The following PLEKHA5 variants were observed in gnomAD, a reference collection of about 807,000 sequenced individuals.
The protein encoded by PLEKHA5 is pleckstrin homology domain containing A5.
A neutral mutation model predicts 181.9 loss-of-function variants in PLEKHA5; 55 were observed. The observed-to-expected ratio is 0.30, with a 90% CI of 0.24 to 0.38. The LOEUF is 0.38. Ranked by LOEUF, PLEKHA5 falls within the 10% of genes least tolerant of loss-of-function variation. The pLI, the probability that PLEKHA5 is intolerant of heterozygous loss-of-function variation, is 1.00. For missense variants in PLEKHA5, 1,432 were observed against 1,549.5 expected, an observed-to-expected ratio of 0.92 and a Z score of 1.27; for synonymous variants, 535 against 529.4, an observed-to-expected ratio of 1.01 and a Z score of -0.15.
chr12:19,331,653 T>A (rs1377362854), intron 20 of PLEKHA5, among the ~76,000 whole-genome samples: 1 of 152,188 alleles, frequency 6.6e-6, no homozygotes, highest in African/African-American at 2.4e-5. Flanking sequence ...CCAAGTCTTG[T>A]CTCAGTACAG....
At chr12:19,134,662 G>A (rs2035072113) in intron 3 of PLEKHA5, among the ~76,000 whole-genome samples, 1 of 151,964 alleles carries the variant, frequency 6.6e-6, no homozygotes, top group African/African-American at 2.4e-5. Flanking sequence ...AATAGGATAG[G>A]GGCACTACTT....
intron 3 of PLEKHA5, among the ~76,000 whole-genome samples, chr12:19,221,295 G>A (rs1242797045): frequency 6.6e-6 from 1 of 152,056 alleles, no homozygotes; most frequent in Non-Finnish European, 1.5e-5. Context: ...TCCAAATAAT[G>A]GAATATTATT....
intron 3 of PLEKHA5, among the ~76,000 whole-genome samples, chr12:19,178,159 A>C (rs2047739006): frequency 6.6e-6 from 1 of 152,204 alleles, no homozygotes; most frequent in African/African-American, 2.4e-5. Flanking sequence ...TGTGCTGCCC[A>C]AGTATTGTCA....
chr12:19,249,870 T>G (rs2064797060), intron 3 of PLEKHA5, among the ~76,000 whole-genome samples: 1 of 152,218 alleles, frequency 6.6e-6, no homozygotes, highest in Non-Finnish European at 1.5e-5. Context: ...GGAACACGAA[T>G]AGTAAATATT....
intron 23 of PLEKHA5, among the ~76,000 whole-genome samples, chr12:19,346,329 T>C (rs1189886083): frequency 6.7e-6 from 1 of 150,302 alleles, no homozygotes; most frequent in Non-Finnish European, 1.5e-5. Flanking sequence ...AAGAGGTAAC[T>C]TTTTTTTTTC....
At chr12:19,292,930 C>T (rs554803271) in intron 15 of PLEKHA5, among the ~76,000 whole-genome samples, 94 of 152,094 alleles carry the variant, frequency 6.2e-4, no homozygotes, top group South Asian at 1.9e-3. Flanking sequence ...CAGAGCGAGA[C>T]TCTATCTCAA....
chr12:19,147,604 T>C (rs1442140559), intron 3 of PLEKHA5, among the ~76,000 whole-genome samples: 7 of 150,906 alleles, frequency 4.6e-5, no homozygotes, highest in Non-Finnish European at 8.9e-5. Flanking sequence ...TTCTTTTTTT[T>C]TTTTTTTGGC....
rs2033239986 is a variant in PLEKHA5 at position 19,130,416 on chromosome 12, A to G, written c.169+286A>G. Among the ~76,000 whole-genome samples, 1 of 148,362 alleles carries G rather than the reference A, an allele frequency of 6.7e-6. No homozygotes were observed. The highest frequency in any genetic ancestry group is 2.5e-5 in the African/African-American group (1 of 39,940). ...CATCCCAGCCTAGACGACCCTCGCGACCCTAGAGTGGCGACGCTCCCCTCC... is the reference window on the plus strand; with the variant it reads ...CATCCCAGCCTAGACGACCCTCGCGGCCCTAGAGTGGCGACGCTCCCCTCC... On this transcript the variant is annotated intron_variant, in intron 2 of 31. Transcript: ENST00000429027. This position sits in a 1 kb window ranked among gnomAD's most constrained non-coding sequence, Gnocchi z 4.5.
In PLEKHA5 at chr12:19,359,541, A is replaced by G. The variant is rs562304459; in HGVS notation, c.3478A>G (p.Lys1160Glu). The change falls in exon 28 of 32, where the codon AAA (lysine) becomes GAA (glutamate). Residue 1160 changes from lysine to glutamate, a missense_variant. Lys to Glu is a moderately conservative substitution (Grantham distance 56). This residue lies in a region of PLEKHA5 where 1,143 missense variants were observed against 1,168.4 expected (regional missense o/e 0.98). Coordinates refer to ENST00000429027, the MANE Select transcript of PLEKHA5 (RefSeq NM_001256470.2). ...ETEPQNVDFS[K>E]ELKKTENISY... ...CGAACCCCAAAATGTGGACTTCAGC[A>G]AAGAGGTAGCGAGATTATTTTATGA... is the stretch of plus-strand genomic sequence containing the variant. 6.2e-7 allele frequency: 1 copy of G among 1,613,856 alleles called. No homozygotes were observed. The highest frequency in any genetic ancestry group is 1.3e-5 in the African/African-American group (1 of 75,056).
intron 15 of PLEKHA5, among the ~76,000 whole-genome samples, chr12:19,307,767 A>G (rs2084595264): frequency 6.6e-6 from 1 of 152,086 alleles, no homozygotes; most frequent in South Asian, 2.1e-4. Flanking sequence ...AGACAAAAGA[A>G]ACATTCAAAA....
chr12:19,310,619 A>AAT (rs2086139887), intron 15 of PLEKHA5, among the ~76,000 whole-genome samples: 1 of 151,262 alleles, frequency 6.6e-6, no homozygotes, highest in Admixed American at 6.6e-5. Flanking sequence ...CAAAAAAAAA[A>AAT]AAAAAAAAGA....
rs2153209249 is a variant in PLEKHA5, at chr12:19,348,643, T to G, written c.3019+124T>G. The G allele has an allele frequency of 6.7e-6, 4 of 600,422 alleles. No individual in the cohort carries two copies. The East Asian group carries it at 1.3e-4, about 19-fold the overall frequency. The allele number at this position is 600,422 out of a possible 1,614,324, so 37.2% of individuals were successfully genotyped here. On this transcript the variant is annotated intron_variant, in intron 25 of 31. Coordinates refer to ENST00000429027, the MANE Select transcript of PLEKHA5 (RefSeq NM_001256470.2). ...TGAGTCCAACCCTTTATCTGAAACC[T>G]TTGGACTCTGATGAGTTTCTAAATT...
intron 3 of PLEKHA5, among the ~76,000 whole-genome samples, chr12:19,162,901 AAGAC>A (rs770338828): frequency 6.6e-6 from 1 of 152,218 alleles, no homozygotes; most frequent in African/African-American, 2.4e-5. Context: ...AACTAAATCT[AAGAC>A]AGAATTTTAT....
chr12:19,183,428 G>A (rs2049058498), intron 3 of PLEKHA5, among the ~76,000 whole-genome samples: 1 of 152,138 alleles, frequency 6.6e-6, no homozygotes, highest in Non-Finnish European at 1.5e-5. Flanking sequence ...CAACAACCCT[G>A]TGGGATAATT....
At chr12:19,143,815 G>T (rs1379039503) in intron 3 of PLEKHA5, among the ~76,000 whole-genome samples, 1 of 152,016 alleles carries the variant, frequency 6.6e-6, no homozygotes, top group Non-Finnish European at 1.5e-5. Context: ...TCAGTAGAAG[G>T]TTTTTAATAA....
chr12:19,204,914 GT>G (rs2055066304), intron 3 of PLEKHA5, among the ~76,000 whole-genome samples: 1 of 152,074 alleles, frequency 6.6e-6, no homozygotes, highest in Non-Finnish European at 1.5e-5. Context: ...TTTATAGTTT[GT>G]TTAATTTATC....
At chr12:19,367,937 G>A (rs554266969) in intron 30 of PLEKHA5, among the ~76,000 whole-genome samples, 2 of 151,696 alleles carry the variant, frequency 1.3e-5, no homozygotes, top group East Asian at 1.9e-4. Flanking sequence ...ACAAAACCCC[G>A]CCACCACTCC....
At chr12:19,347,443 T>C (rs1219309009) in intron 24 of PLEKHA5, among the ~76,000 whole-genome samples, 1 of 152,018 alleles carries the variant, frequency 6.6e-6, no homozygotes, top group African/African-American at 2.4e-5. Flanking sequence ...TGGTAACTTT[T>C]CCCATGATGA....
rs368673519 is a variant in PLEKHA5, at chr12:19,283,459, G to A, written c.1493G>A (p.Arg498Gln). 6.2e-6 allele frequency: 10 copies of A among 1,613,978 alleles called. 1 individual carries two copies. Among genetic ancestry groups the A allele is most frequent in the South Asian group, 5.5e-5 (5 of 91,074 alleles). The change falls in exon 12 of 32, where the codon CGG becomes CAG. Residue 498 changes from arginine to glutamine, a missense_variant. By Grantham distance (43) the Arg-to-Gln change is conservative. This residue lies in a region of PLEKHA5 where 1,143 missense variants were observed against 1,168.4 expected (regional missense o/e 0.98). Transcript: ENST00000429027. ...TTAGGACCCGGAGCGGAGGAGAAAC[G>A]GAGGTCCATGAGAGATGACACAATG... ...KTLGPGAEEKRRSMRDDTMWQ... is the reference protein window; with the variant it reads ...KTLGPGAEEKQRSMRDDTMWQ...
Sources: allele counts gnomAD v4.1 joint callset (sites outside exome capture counted in the v4.1 genomes callset), GRCh38; gene constraint gnomAD v4.1.1; regional missense constraint gnomAD v4.1.1; non-coding constraint Gnocchi (gnomAD v3.1); transcripts MANE v1.5; gene names NCBI Gene and HGNC (gene_info 2026-07-23, HGNC 2026-07-21).